MRPL3: variants seen among roughly 807,000 people sequenced by gnomAD.
MRPL3 encodes the protein large ribosomal subunit protein uL3m.
Under a neutral mutation model 44.3 loss-of-function variants are expected in MRPL3, and 43 were observed. That is an observed-to-expected ratio of 0.97 (90% CI 0.76 to 1.25). The LOEUF is 1.25. MRPL3 is among the 50% of genes most tolerant of loss of function. The pLI is 0.00. For missense variants in MRPL3, 406 were observed against 427.6 expected (o/e 0.95, Z 0.45); for synonymous variants, 171 against 152.3 (o/e 1.12, Z -0.91).
At chr3:131,489,733 T>C (rs1934206516) in intron 5 of MRPL3, among the ~76,000 whole-genome samples, 1 of 151,928 alleles carries the variant, frequency 6.6e-6, no homozygotes, top group Admixed American at 6.6e-5. Context: ...TTGAGGTGGC[T>C]TTTTCAAATA....
At chr3:131,483,685 C>G (rs1232992762) in intron 6 of MRPL3, among the ~76,000 whole-genome samples, 2 of 152,122 alleles carry the variant, frequency 1.3e-5, no homozygotes, top group Non-Finnish European at 2.9e-5. Context: ...GTAAGTATAT[C>G]GTCAAGAAGC....
chr3:131,495,620 A>G (rs1934350357), intron 4 of MRPL3, among the ~76,000 whole-genome samples: 1 of 152,182 alleles, frequency 6.6e-6, no homozygotes, highest in Non-Finnish European at 1.5e-5. Context: ...AATAAGCTAA[A>G]GAGAAAAAAA....
chr3:131,481,287 C>T (rs187017043), intron 6 of MRPL3, among the ~76,000 whole-genome samples: 10 of 152,174 alleles, frequency 6.6e-5, no homozygotes, highest in East Asian at 5.8e-4. Context: ...CTATTCATTT[C>T]GAAAGATATT....
At chr3:131,494,080 T>C (rs1038815182) in intron 4 of MRPL3, among the ~76,000 whole-genome samples, 1 of 152,242 alleles carries the variant, frequency 6.6e-6, no homozygotes, top group African/African-American at 2.4e-5. Flanking sequence ...GTTTAATTTT[T>C]GGATCAGTCT....
At chr3:131,473,229 G>C (rs1411235780) in intron 6 of MRPL3, among the ~76,000 whole-genome samples, 2 of 152,026 alleles carry the variant, frequency 1.3e-5, no homozygotes, top group Non-Finnish European at 1.5e-5. Context: ...CAGAACAACG[G>C]AACAGAACAG....
chr3:131,497,219 T>C (rs925730926), intron 4 of MRPL3, among the ~76,000 whole-genome samples: 1 of 152,270 alleles, frequency 6.6e-6, no homozygotes, highest in Non-Finnish European at 1.5e-5. Context: ...CTCTGGTGTC[T>C]GTCGCTCTAC....
intron 9 of MRPL3, among the ~76,000 whole-genome samples, chr3:131,464,079 T>C (rs1933548368): frequency 6.6e-6 from 1 of 152,080 alleles, no homozygotes; most frequent in South Asian, 2.1e-4. Context: ...CCCCAATCCA[T>C]TAATCTTAGG....
In MRPL3 at chr3:131,500,497, G is replaced by A; in HGVS notation, c.302C>T (p.Ala101Val). The change falls in exon 3 of 10, where the codon GCC becomes GTC. Residue 101 changes from alanine to valine, a missense_variant. Coordinates refer to ENST00000264995, the MANE Select transcript of MRPL3 (RefSeq NM_007208.4). ...EPGSFRVGLI[A>V]LKLGMMPLWT... Reference sequence around the variant, plus strand: ...TAAAGGCATCATGCCCAGCTTCAAGGCAATAAGACCAACTCTAAAGGAACC... The same window carrying A: ...TAAAGGCATCATGCCCAGCTTCAAGACAATAAGACCAACTCTAAAGGAACC... The A allele has an allele frequency of 1.2e-6, 2 of 1,613,730 alleles. No homozygotes were observed. The highest frequency in any genetic ancestry group is 1.7e-5 in the Admixed American group (1 of 60,022).
In MRPL3 at chr3:131,500,534, A is replaced by T; in HGVS notation, c.278-13T>A. The T allele has an allele frequency of 6.2e-7, 1 of 1,608,154 alleles. No homozygotes were observed. The highest frequency in any genetic ancestry group is 8.5e-7 in the Non-Finnish European group (1 of 1,175,422). On this transcript the variant is annotated splice_polypyrimidine_tract_variant and intron_variant, in intron 2 of 9. Transcript: ENST00000264995. ...ACTCTAAAGGAACCTGGCAATTAAA[A>T]CCAAAGCAATGTGAACAAAAGCTTT...
chr3:131,501,813 G>A (rs757719955), intron 1 of MRPL3, 98 bp from the exon 2 acceptor site: 19 of 1,598,614 alleles, frequency 1.2e-5, no homozygotes, highest in Admixed American at 6.8e-5. Flanking sequence ...GTGTAGTCAG[G>A]GCCTTGGGAA....
intron 4 of MRPL3, among the ~76,000 whole-genome samples, chr3:131,490,794 G>C: frequency 6.6e-6 from 1 of 152,204 alleles, no homozygotes; most frequent in East Asian, 1.9e-4. Context: ...CCAACGGCAA[G>C]GGCCCTCTGC....
intron 9 of MRPL3, 114 bp from the exon 10 acceptor site, chr3:131,462,989 C>CACAACTGTT (rs1933525014): frequency 1.2e-6 from 1 of 844,070 alleles, no homozygotes; most frequent in African/African-American, 1.7e-5. Context: ...ATGTGAATAA[C>CACAACTGTT]ACAACTGTTA....
At chr3:131,485,973 G>C (rs1934108847) in intron 6 of MRPL3, among the ~76,000 whole-genome samples, 1 of 152,126 alleles carries the variant, frequency 6.6e-6, no homozygotes, top group African/African-American at 2.4e-5. Context: ...GAATTATCAT[G>C]CAACAAAAAG....
In MRPL3 at chr3:131,462,517, A is replaced by C. The variant is rs1165724025; in HGVS notation, c.*206T>G. 1 of 398,354 alleles carries C rather than the reference A, an allele frequency of 2.5e-6. No individual in the cohort carries two copies. The highest frequency in any genetic ancestry group is 4.3e-6 in the Non-Finnish European group (1 of 231,652). The allele number at this position is 398,354 out of a possible 1,614,324, so 24.7% of individuals were successfully genotyped here. A position where few individuals can be genotyped will look rare whatever the true frequency, so the allele number is the denominator to read the frequency against. ...GCCCAACACCAATTTCAGCAAATCC[A>C]ATCTACTTAACTCATATATTTAATG... On this transcript the variant is annotated 3_prime_UTR_variant, in exon 10 of 10. Transcript: ENST00000264995.
At chr3:131,487,607 C>CA in intron 6 of MRPL3, 73 bp downstream of exon 6, 1 of 1,158,128 alleles carries the variant, frequency 8.6e-7, no homozygotes, top group Non-Finnish European at 1.3e-6. Flanking sequence ...AAAGACTGTA[C>CA]TTCTTTCACT....
chr3:131,499,910 G>T (rs1007766420), intron 3 of MRPL3, among the ~76,000 whole-genome samples: 1 of 152,122 alleles, frequency 6.6e-6, no homozygotes, highest in African/African-American at 2.4e-5. Flanking sequence ...ATCTTTTACA[G>T]ATGAGGCACA....
intron 9 of MRPL3, among the ~76,000 whole-genome samples, chr3:131,465,908 G>GT (rs1933591730): frequency 1.3e-4 from 11 of 87,758 alleles, no homozygotes; most frequent in Admixed American, 1.2e-3. Context: ...TTTTTTTTTT[G>GT]TTTTTTTAAG....
intron 6 of MRPL3, among the ~76,000 whole-genome samples, chr3:131,483,864 T>A (rs963416085): frequency 2.0e-5 from 3 of 152,152 alleles, no homozygotes; most frequent in Admixed American, 6.5e-5. Flanking sequence ...CAATTAAAGT[T>A]GAAGGTATAA....
At chr3:131,481,438 T>C (rs9824601) in intron 6 of MRPL3, among the ~76,000 whole-genome samples, 57,630 of 152,070 alleles carry the variant, frequency 0.38, 12,605 homozygotes, top group Non-Finnish European at 0.5. Context: ...TGCACTGTCA[T>C]TCAATCTTTG....
Sources: gnomAD v4.1 joint callset for allele counts (sites outside exome capture counted in the v4.1 genomes callset) on GRCh38, gnomAD v4.1.1 for gene constraint, MANE v1.5 for transcripts, NCBI Gene and HGNC (gene_info 2026-07-23, HGNC 2026-07-21) for gene names.